Variants in WDFY3 observed in about 807,000 individuals in gnomAD.
The protein encoded by WDFY3 is WD repeat and FYVE domain containing 3, also known as WD repeat and FYVE domain-containing protein 3.
Under a neutral mutation model 409.6 loss-of-function variants are expected in WDFY3, and 66 were observed. That is an observed-to-expected ratio of 0.16 (90% CI 0.13 to 0.20). The LOEUF (loss-of-function observed/expected upper bound fraction) is 0.20. Among genes scored for constraint, WDFY3 ranks in the 10% least tolerant of loss-of-function variants. WDFY3 has a pLI of 1.00. For synonymous variants in WDFY3, 1,521 were observed against 1,537.1 expected, an observed-to-expected ratio of 0.99 and a Z score of 0.25; for missense variants, 3,031 against 4,298.1, an observed-to-expected ratio of 0.71 and a Z score of 8.24.
chr4:84,950,463 T>C (rs1773464935), intron 1 of WDFY3, among the ~76,000 whole-genome samples: 1 of 151,940 alleles, frequency 6.6e-6, no homozygotes, highest in Non-Finnish European at 1.5e-5. Context: ...AACTAGTATA[T>C]GAACTCTTTG....
Position 84,766,389 on chromosome 4 carries a change from T to C in WDFY3, c.4850-17A>G, listed in dbSNP as rs1743639390. ...CTTCAGTTCCTAAAATAAAAATAAA[T>C]ACATTAAATCTCCCTAGTAGATAAG... On this transcript the variant is annotated splice_polypyrimidine_tract_variant and intron_variant, in intron 30 of 67. Coordinates refer to ENST00000295888, the MANE Select transcript of WDFY3 (RefSeq NM_014991.6). The C allele has an allele frequency of 6.3e-7, 1 of 1,575,442 alleles. No individual in the cohort carries two copies. The highest frequency in any genetic ancestry group is 1.2e-5 in the South Asian group (1 of 83,468).
At chr4:84,845,580 CT>C (rs1416068960) in intron 5 of WDFY3, among the ~76,000 whole-genome samples, 3 of 151,632 alleles carry the variant, frequency 2.0e-5, no homozygotes, top group East Asian at 1.9e-4. Context: ...ATATTAAGTG[CT>C]TTTTTTAAGC....
At chr4:84,819,790 G>A (rs186121285) in intron 12 of WDFY3, among the ~76,000 whole-genome samples, 7 of 151,942 alleles carry the variant, frequency 4.6e-5, no homozygotes, top group Admixed American at 4.6e-4. Context: ...AATTTAAATA[G>A]CAACTTATTT....
chr4:84,783,156 A>T, intron 24 of WDFY3, 82 bp from the exon 25 acceptor site: 2 of 1,226,160 alleles, frequency 1.6e-6, no homozygotes, highest in Non-Finnish European at 2.4e-6. Flanking sequence ...AAACACATGA[A>T]TGGTAACATA....
chr4:84,793,421 C>A (rs770417626), intron 21 of WDFY3, among the ~76,000 whole-genome samples: 3 of 151,308 alleles, frequency 2.0e-5, no homozygotes, highest in South Asian at 2.1e-4. Flanking sequence ...GGGACATAGA[C>A]AAATGAAAAA....
At chr4:84,742,056 G>T in intron 37 of WDFY3, 135 bp from the exon 38 acceptor site, 1 of 706,100 alleles carries the variant, frequency 1.4e-6, no homozygotes. Context: ...TAGCTTTTAT[G>T]CACTACTTGA....
chr4:84,866,965 G>A (rs1438513760), intron 3 of WDFY3, among the ~76,000 whole-genome samples: 1 of 152,130 alleles, frequency 6.6e-6, no homozygotes, highest in East Asian at 1.9e-4. Context: ...TGAAAGAGCA[G>A]AAAGAATAGG....
chr4:84,912,751 A>G (rs977387925), intron 2 of WDFY3, among the ~76,000 whole-genome samples: 1 of 152,210 alleles, frequency 6.6e-6, no homozygotes, highest in African/African-American at 2.4e-5. Context: ...TCTAAAAAAA[A>G]AGAAAAAACA....
intron 30 of WDFY3, 47 bp downstream of exon 30, chr4:84,772,788 A>G: frequency 1.3e-6 from 2 of 1,485,560 alleles, no homozygotes; most frequent in South Asian, 1.2e-5. Flanking sequence ...AAAAAGGCAT[A>G]ATATTTAGTT....
intron 57 of WDFY3, 138 bp from the exon 58 acceptor site, chr4:84,696,320 G>T: frequency 1.3e-6 from 1 of 779,464 alleles, no homozygotes; most frequent in Non-Finnish European, 2.0e-6. Flanking sequence ...CCTCTTATTT[G>T]TGGTTTCACT....
chr4:84,718,639 A>G (rs929240561), intron 47 of WDFY3, 69 bp from the exon 48 acceptor site: 15 of 1,546,352 alleles, frequency 9.7e-6, no homozygotes, highest in Non-Finnish European at 1.3e-5. Context: ...TTAGACTACT[A>G]CGGCATCCCT....
intron 6 of WDFY3, among the ~76,000 whole-genome samples, chr4:84,840,937 A>G (rs1316545832): frequency 6.6e-6 from 1 of 152,118 alleles, no homozygotes; most frequent in East Asian, 1.9e-4. Context: ...ACACTGCTCT[A>G]AGCCATGCGT....
intron 45 of WDFY3, 117 bp from the exon 46 acceptor site, chr4:84,724,711 G>C (rs1291668573): frequency 1.8e-6 from 2 of 1,115,854 alleles, no homozygotes; most frequent in African/African-American, 3.2e-5. Flanking sequence ...GCTTTTCATA[G>C]ACTGTATGTA....
intron 8 of WDFY3, among the ~76,000 whole-genome samples, chr4:84,829,984 C>G (rs1755463259): frequency 6.6e-6 from 1 of 151,922 alleles, no homozygotes; most frequent in Non-Finnish European, 1.5e-5. Context: ...TGTAGCATTT[C>G]AAGGAAGACT....
intron 1 of WDFY3, among the ~76,000 whole-genome samples, chr4:84,938,398 T>C (rs1771706463): frequency 6.6e-6 from 1 of 152,216 alleles, no homozygotes. Flanking sequence ...TTGTAACTGA[T>C]ACTTCCATAA....
At chr4:84,940,921 C>T (rs1224634092) in intron 1 of WDFY3, among the ~76,000 whole-genome samples, 1 of 151,662 alleles carries the variant, frequency 6.6e-6, no homozygotes, top group African/African-American at 2.4e-5. Context: ...GATTAAAAAC[C>T]ATATAATCTC....
In WDFY3 at chr4:84,672,113, A is replaced by G. The variant is rs959644025; in HGVS notation, c.*755T>C. 2.6e-5 allele frequency: 4 copies of G among 152,300 alleles called. No homozygotes were observed. In the South Asian group the frequency reaches 8.3e-4, roughly 32 times the overall value. The allele number at this position is 152,300 out of a possible 1,614,324, so 9.4% of individuals were successfully genotyped here. ...TGCGTAGCCAGGTACAAGACGCCCA[A>G]ATATTTCCAGTTTATCTTACGGCTG... On this transcript the variant is annotated 3_prime_UTR_variant, in exon 68 of 68. Transcript: ENST00000295888.
rs138970362 is a variant in WDFY3 at position 84,683,669 on chromosome 4, A to G, written c.9726+274T>C. Among the ~76,000 whole-genome samples the G allele has an allele frequency of 3.0e-3, 463 of 152,316 alleles. 3 individuals carry two copies. Among genetic ancestry groups the G allele is most frequent in the African/African-American group, 0.011 (445 of 41,578 alleles). ...TGCAGTTCGCATGTTGAGCAATCCC[A>G]GTGTGACATGGGAATCATGTTTGAC... On this transcript the variant is annotated intron_variant, in intron 63 of 67. Transcript: ENST00000295888.
At chr4:84,798,949 C>G (rs747981903) in intron 17 of WDFY3, among the ~76,000 whole-genome samples, 29 of 152,166 alleles carry the variant, frequency 1.9e-4, no homozygotes, top group Non-Finnish European at 3.7e-4. Flanking sequence ...ATGATTTCTA[C>G]TGTACTCTCC....
Sources: allele counts gnomAD v4.1 joint callset (sites outside exome capture counted in the v4.1 genomes callset), GRCh38; gene constraint gnomAD v4.1.1; transcripts MANE v1.5; gene names NCBI Gene and HGNC (gene_info 2026-07-23, HGNC 2026-07-21).